Variants in CACNA1H observed in about 807,000 individuals in gnomAD.
CACNA1H encodes the protein calcium voltage-gated channel subunit alpha1 H.
CACNA1H carries 149 observed loss-of-function variants against 192.5 expected under a neutral mutation model. That is an observed-to-expected ratio of 0.77 (90% CI 0.68 to 0.89). CACNA1H has a LOEUF of 0.89. Ranked by LOEUF, CACNA1H falls within the 40% of genes least tolerant of loss-of-function variation. The pLI is 0.00. For synonymous variants in CACNA1H, 2,202 were observed against 1,475.2 expected, an observed-to-expected ratio of 1.49 and a Z score of -11.29; for missense variants, 4,257 against 3,423.5, an observed-to-expected ratio of 1.24 and a Z score of -6.08.
At chr16:1,194,632 C>T (rs921292243) in intron 2 of CACNA1H, among the ~76,000 whole-genome samples, 7 of 152,216 alleles carry the variant, frequency 4.6e-5, no homozygotes, top group African/African-American at 1.4e-4. Flanking sequence ...GCAGCTAGGC[C>T]CTGGGAGTCT....
At chr16:1,184,447 A>G (rs1001041427) in intron 2 of CACNA1H, among the ~76,000 whole-genome samples, 1 of 152,214 alleles carries the variant, frequency 6.6e-6, no homozygotes, top group African/African-American at 2.4e-5. Context: ...TTTGAGAGGC[A>G]TCCGTGGGGA....
chr16:1,185,190 T>A (rs1010267041), intron 2 of CACNA1H, among the ~76,000 whole-genome samples: 1 of 152,216 alleles, frequency 6.6e-6, no homozygotes, highest in African/African-American at 2.4e-5. Context: ...GCTTTCTTCC[T>A]TTTCATGGCT....
intron 2 of CACNA1H, among the ~76,000 whole-genome samples, chr16:1,154,857 G>T (rs1370285170): frequency 6.6e-6 from 1 of 152,210 alleles, no homozygotes; most frequent in African/African-American, 2.4e-5. Flanking sequence ...CCCAGCAGGT[G>T]GCCTTGGGGG....
At chr16:1,216,899 C>G in intron 30 of CACNA1H, 33 bp from the exon 31 acceptor site, 2 of 1,564,660 alleles carry the variant, frequency 1.3e-6, no homozygotes, top group Non-Finnish European at 1.7e-6. Context: ...CCTGCCCGCC[C>G]GTCTGACCCA....
At chr16:1,218,777 G>A (rs1044224847) in intron 33 of CACNA1H, 126 bp downstream of exon 33, 9 of 1,171,124 alleles carry the variant, frequency 7.7e-6, no homozygotes, top group South Asian at 3.0e-5. Context: ...CGGGAAGGAG[G>A]ATGGGGGCAG....
intron 2 of CACNA1H, among the ~76,000 whole-genome samples, chr16:1,179,380 G>T (rs1244393878): frequency 6.6e-6 from 1 of 152,264 alleles, no homozygotes; most frequent in Non-Finnish European, 1.5e-5. Context: ...GGACTCTCCT[G>T]CCCCCGCGAG....
chr16:1,162,486 TC>T (rs924458628), intron 2 of CACNA1H, among the ~76,000 whole-genome samples: 2 of 152,282 alleles, frequency 1.3e-5, no homozygotes. Flanking sequence ...GTCAGGCTCC[TC>T]CGATGAGGAG....
intron 2 of CACNA1H, among the ~76,000 whole-genome samples, chr16:1,177,642 G>T (rs1365099179): frequency 6.6e-6 from 1 of 152,070 alleles, no homozygotes; most frequent in East Asian, 1.9e-4. Context: ...GGACGTGGTG[G>T]CCGGGGACAG....
At chr16:1,214,860 C>T (rs978786758) in intron 27 of CACNA1H, 112 bp from the exon 28 acceptor site, 1 of 748,248 alleles carries the variant, frequency 1.3e-6, no homozygotes, top group Non-Finnish European at 2.3e-6. Flanking sequence ...CTGAGCTGAC[C>T]TGGGAGCCTC....
At chr16:1,185,501 T>TCCCC (rs1198600559) in intron 2 of CACNA1H, among the ~76,000 whole-genome samples, 55 of 117,120 alleles carry the variant, frequency 4.7e-4, no homozygotes, top group Non-Finnish European at 8.4e-4. Context: ...ATCTGCAGAG[T>TCCCC]CCCCCCCCCC....
chr16:1,158,283 C>A (rs1596286263), intron 2 of CACNA1H, among the ~76,000 whole-genome samples: 4 of 152,256 alleles, frequency 2.6e-5, no homozygotes, highest in African/African-American at 9.6e-5. Flanking sequence ...GGGGGAGGGG[C>A]CTTCCCACTC....
intron 11 of CACNA1H, 93 bp downstream of exon 11, chr16:1,205,358 A>G: frequency 1.5e-6 from 2 of 1,328,578 alleles, no homozygotes; most frequent in African/African-American, 1.5e-5. Flanking sequence ...AGAGCACAGG[A>G]GGAAGTACGA....
At chr16:1,174,352 T>C (rs935284680) in intron 2 of CACNA1H, among the ~76,000 whole-genome samples, 11 of 152,036 alleles carry the variant, frequency 7.2e-5, no homozygotes, top group African/African-American at 2.7e-4. Flanking sequence ...GATATGGAGG[T>C]AACTAATGTT....
At position 1,220,847 on chromosome 16, in the gene CACNA1H, C is replaced by T. The variant is rs779278227; in HGVS notation, c.6915C>T (p.Pro2305=). ...CAGGGGCCATAGTGCCCCTGGAACCCCCAGAATCAGAGCCTCCCATGCCCG... is the reference window on the plus strand; with the variant it reads ...CAGGGGCCATAGTGCCCCTGGAACCTCCAGAATCAGAGCCTCCCATGCCCG... ...SSSGAIVPLE[P]PESEPPMPVG... The change falls in exon 35 of 35, where the codon CCC becomes CCT. Residue 2305 remains proline, a synonymous_variant. Coordinates refer to ENST00000348261, the MANE Select transcript of CACNA1H (RefSeq NM_021098.3). 6.2e-7 allele frequency: 1 copy of T among 1,612,830 alleles called. No individual in the cohort carries two copies. The highest frequency in any genetic ancestry group is 8.5e-7 in the Non-Finnish European group (1 of 1,179,824).
intron 3 of CACNA1H, among the ~76,000 whole-genome samples, 164 bp downstream of exon 3, chr16:1,195,247 G>A (rs1966863390): frequency 1.4e-5 from 2 of 148,052 alleles, no homozygotes; most frequent in Non-Finnish European, 3.0e-5. Flanking sequence ...GTGGGGCTGG[G>A]GGTGGGGCAG....
rs376491138 is a variant in CACNA1H, at chr16:1,209,347, G to T, written c.3679G>T (p.Asp1227Tyr). The T allele has an allele frequency of 1.3e-6, 2 of 1,597,912 alleles. No homozygotes were observed. Among genetic ancestry groups the T allele is most frequent in the Non-Finnish European group, 1.7e-6 (2 of 1,179,548 alleles). The part of the protein sequence containing the change: ...RDGQVVALPS[D>Y]FFLRIDSHRE... ...CGGGCAGGTGGTGGCCCTGCCCAGC[G>T]ACTTCTTCCTGCGCATCGACAGCCA... The change falls in exon 17 of 35, where the codon GAC becomes TAC. Residue 1227 changes from aspartate to tyrosine, a missense_variant. Coordinates refer to ENST00000348261, the MANE Select transcript of CACNA1H (RefSeq NM_021098.3).
At position 1,200,129 on chromosome 16, in the gene CACNA1H, A is replaced by G. The variant is rs566553269; in HGVS notation, c.804-127A>G. 4.6e-5 allele frequency: 34 copies of G among 736,970 alleles called. No individual in the cohort carries two copies. The African/African-American group carries it at 5.5e-4, about 12-fold the overall frequency. 45.7% of individuals were successfully genotyped at this position (736,970 alleles called of 1,614,324 possible). A position where few individuals can be genotyped will look rare whatever the true frequency, so the allele number is the denominator to read the frequency against. On this transcript the variant is annotated intron_variant, in intron 6 of 34. Transcript: ENST00000348261. Reference sequence around the variant, plus strand: ...TAACCGTGCCTCCCTAACCATGATTAGTCCACTGGCCCTGACCCTGATCAC... The same window carrying G: ...TAACCGTGCCTCCCTAACCATGATTGGTCCACTGGCCCTGACCCTGATCAC...
chr16:1,218,962 T>A lies in CACNA1H; in HGVS notation c.5888-8T>A, dbSNP rs1380229610. On this transcript the variant is annotated splice_region_variant and splice_polypyrimidine_tract_variant and intron_variant, in intron 33 of 34. Coordinates refer to ENST00000348261, the MANE Select transcript of CACNA1H (RefSeq NM_021098.3). ...AGAGCTGCCAGCTTAGATTCTTCCC[T>A]GCCCCAGGCTCCGTTGCCTCTGTGC... 1.3e-6 allele frequency: 2 copies of A among 1,549,660 alleles called. No individual in the cohort carries two copies. Among genetic ancestry groups the A allele is most frequent in the African/African-American group, 2.7e-5 (2 of 72,976 alleles).
chr16:1,194,036 C>T (rs77988583), intron 2 of CACNA1H, among the ~76,000 whole-genome samples: 3,328 of 152,096 alleles, frequency 0.022, 100 homozygotes, highest in African/African-American at 0.065. Context: ...CACCATCATC[C>T]GGGTCCCAAG....
Sources: allele counts gnomAD v4.1 joint callset (sites outside exome capture counted in the v4.1 genomes callset), GRCh38; gene constraint gnomAD v4.1.1; transcripts MANE v1.5; gene names NCBI Gene and HGNC (gene_info 2026-07-23, HGNC 2026-07-21).